The following POLH variants were observed in gnomAD, a reference collection of about 807,000 sequenced individuals.
POLH encodes the protein DNA polymerase eta.
In POLH, 53 loss-of-function variants were observed where a neutral mutation model predicts 73.6. The ratio of observed to expected loss-of-function variants is 0.72; its 90% CI spans 0.58 to 0.91. The LOEUF (loss-of-function observed/expected upper bound fraction) is 0.91, where lower values mean the gene tolerates loss of function less well. POLH is among the 40% of genes least tolerant of loss of function. The pLI is 0.00. For missense variants in POLH, 768 were observed against 865.4 expected, an observed-to-expected ratio of 0.89 and a Z score of 1.41; for synonymous variants, 292 against 308.5, an observed-to-expected ratio of 0.95 and a Z score of 0.56.
chr6:43,607,165 G>T (rs1767396191), intron 9 of POLH, among the ~76,000 whole-genome samples: 1 of 152,216 alleles, frequency 6.6e-6, no homozygotes, highest in South Asian at 2.1e-4. Context: ...TGCAGTCTCG[G>T]CTCACTGCAA....
At chr6:43,585,275 C>T (rs1463622847) in intron 3 of POLH, among the ~76,000 whole-genome samples, 2 of 152,180 alleles carry the variant, frequency 1.3e-5, no homozygotes, top group Non-Finnish European at 2.9e-5. Context: ...CTATTTGGAA[C>T]CTCTCCGGAC....
chr6:43,605,074 C>T (rs1295945564), intron 8 of POLH, among the ~76,000 whole-genome samples, 180 bp from the exon 9 acceptor site: 1 of 151,988 alleles, frequency 6.6e-6, no homozygotes, highest in African/African-American at 2.4e-5. Context: ...AAATGAAAGG[C>T]TTGAGCTAGG....
intron 4 of POLH, among the ~76,000 whole-genome samples, chr6:43,589,983 A>T: frequency 6.6e-6 from 1 of 152,150 alleles, no homozygotes; most frequent in Admixed American, 6.6e-5. Context: ...ATTGTGATAT[A>T]ATCTGTATGA....
rs1768582535 is a variant in POLH at position 43,619,619 on chromosome 6, T to A, written c.*5062T>A. 6.6e-6 allele frequency among the ~76,000 whole-genome samples: 1 copy of A among 152,132 alleles called. No homozygotes were observed. On this transcript the variant is annotated 3_prime_UTR_variant, in exon 11 of 11. Coordinates refer to ENST00000372236, the MANE Select transcript of POLH (RefSeq NM_006502.3). ...CTTTTTATCCCCCTAAATGTTCCAT[T>A]AATGTTGCAGAGAGGCTCACTAGTT... is the stretch of plus-strand genomic sequence containing the variant.
At chr6:43,608,790 C>T (rs1047686364) in intron 9 of POLH, among the ~76,000 whole-genome samples, 1 of 152,196 alleles carries the variant, frequency 6.6e-6, no homozygotes, top group Non-Finnish European at 1.5e-5. Context: ...CATAGCAGAT[C>T]CTATCACTTC....
intron 5 of POLH, among the ~76,000 whole-genome samples, chr6:43,599,241 G>A (rs542881418): frequency 1.3e-5 from 2 of 151,956 alleles, no homozygotes; most frequent in African/African-American, 2.4e-5. Context: ...CACCCACCTC[G>A]GCCTCCCAAA....
chr6:43,580,542 A>AC (rs1356942014), intron 1 of POLH, among the ~76,000 whole-genome samples: 3 of 131,356 alleles, frequency 2.3e-5, no homozygotes, highest in East Asian at 2.4e-4. Flanking sequence ...CGGGGGGCTG[A>AC]CCCCCCAACC....
At chr6:43,596,753 G>A (rs1295638393) in intron 4 of POLH, among the ~76,000 whole-genome samples, 1 of 151,514 alleles carries the variant, frequency 6.6e-6, no homozygotes, top group African/African-American at 2.5e-5. Context: ...CTTCTGTAGG[G>A]AGTCAGGAAA....
intron 3 of POLH, 56 bp downstream of exon 3, chr6:43,583,197 G>C: frequency 6.6e-7 from 1 of 1,512,124 alleles, no homozygotes; most frequent in Non-Finnish European, 9.2e-7. Flanking sequence ...AATACTCCAT[G>C]AGGCTAGGAA....
Position 43,597,810 on chromosome 6 carries a change from C to A in POLH, c.605C>A (p.Ala202Glu), listed in dbSNP as rs1766260451. 1.2e-6 allele frequency: 2 copies of A among 1,613,672 alleles called. No individual in the cohort carries two copies. The highest frequency in any genetic ancestry group is 1.7e-6 in the Non-Finnish European group (2 of 1,179,688). ...GCAGTGATTGTGGAGGAAATGAGAG[C>A]AGCCATAGAGAGGGAGACTGGTTTT... Reference protein sequence around the residue: ...VGAVIVEEMRAAIERETGFQC... With the variant: ...VGAVIVEEMREAIERETGFQC... The change falls in exon 5 of 11, where the codon GCA becomes GAA. Residue 202 changes from alanine to glutamate, a missense_variant. By Grantham distance (107) the Ala-to-Glu change is moderately radical (BLOSUM62 -1). Coordinates refer to ENST00000372236, the MANE Select transcript of POLH (RefSeq NM_006502.3).
chr6:43,588,983 G>A (rs1310641561), intron 4 of POLH, among the ~76,000 whole-genome samples: 16 of 151,906 alleles, frequency 1.1e-4, no homozygotes, highest in East Asian at 3.9e-4. Flanking sequence ...GATTACGGGC[G>A]CCCGCCACCG....
chr6:43,582,961 G>C (rs746515583), intron 2 of POLH, 46 bp from the exon 3 acceptor site: 2 of 1,544,474 alleles, frequency 1.3e-6, no homozygotes. Context: ...GTTTTTGCTT[G>C]TGATCATATA....
At chr6:43,590,048 G>C (rs983542002) in intron 4 of POLH, among the ~76,000 whole-genome samples, 1 of 151,702 alleles carries the variant, frequency 6.6e-6, no homozygotes, top group African/African-American at 2.4e-5. Flanking sequence ...GATTTGAATA[G>C]AATTAGGACA....
intron 4 of POLH, among the ~76,000 whole-genome samples, chr6:43,590,251 C>G (rs912124833): frequency 6.6e-6 from 1 of 151,334 alleles, no homozygotes; most frequent in Admixed American, 6.6e-5. Context: ...CCCAGCTATT[C>G]GGGAGGCTGA....
chr6:43,588,435 CCTTTT>C (rs1297982425), intron 4 of POLH: 1 of 147,732 alleles, frequency 6.8e-6, no homozygotes, highest in Non-Finnish European at 1.5e-5. Flanking sequence ...TTCTTTCTTT[CCTTTT>C]CATTTCATTT....
intron 4 of POLH, among the ~76,000 whole-genome samples, chr6:43,597,251 G>A (rs916749519): frequency 1.3e-5 from 2 of 152,098 alleles, no homozygotes; most frequent in Admixed American, 6.5e-5. Context: ...GAGTAGCTGT[G>A]GTTACAGGCC....
intron 1 of POLH, among the ~76,000 whole-genome samples, chr6:43,577,941 G>A (rs113066650): frequency 0.026 from 3,907 of 151,760 alleles, 154 homozygotes; most frequent in African/African-American, 0.087. Flanking sequence ...AAAATTAGCC[G>A]GGCGGGGTGG....
At position 43,603,967 on chromosome 6, in the gene POLH, G is replaced by C. The variant is rs775915240; in HGVS notation, c.840G>C (p.Gln280His). The change falls in exon 7 of 11, where the codon CAG becomes CAC. Residue 280 changes from glutamine (Q) to histidine (H), a missense_variant. Coordinates refer to ENST00000372236, the MANE Select transcript of POLH (RefSeq NM_006502.3). ...LGIEYMGELT[Q>H]FTESQLQSHF... ...TAGAATACATGGGTGAACTGACCCA[G>C]TTCACTGAATCCCAGCTCCAGAGTC... 1.1e-5 allele frequency: 18 copies of C among 1,612,902 alleles called. No individual in the cohort carries two copies. Among genetic ancestry groups the C allele is most frequent in the South Asian group, 2.2e-5 (2 of 91,082 alleles).
In POLH at chr6:43,615,653, A is replaced by G. The variant is rs1047379706; in HGVS notation, c.*1096A>G. ...TGTAATGAGACTTGCATAGTTAAAA[A>G]AAAAAAAGGGATTATTTTTATTTTT... On this transcript the variant is annotated 3_prime_UTR_variant, in exon 11 of 11. Coordinates refer to ENST00000372236, the MANE Select transcript of POLH (RefSeq NM_006502.3). The G allele has an allele frequency of 1.3e-5, 2 of 152,166 alleles. No homozygotes were observed. The highest frequency in any genetic ancestry group is 4.8e-5 in the African/African-American group (2 of 41,466). The allele number at this position is 152,166 out of a possible 1,614,324, so 9.4% of individuals were successfully genotyped here. A position where few individuals can be genotyped will look rare whatever the true frequency, so the allele number is the denominator to read the frequency against.
Sources: allele counts gnomAD v4.1 joint callset (sites outside exome capture counted in the v4.1 genomes callset), GRCh38; gene constraint gnomAD v4.1.1; transcripts MANE v1.5; gene names NCBI Gene and HGNC (gene_info 2026-07-23, HGNC 2026-07-21).